LAMA2: variants seen among roughly 807,000 people sequenced by gnomAD.
The protein encoded by LAMA2 is laminin subunit alpha-2.
A neutral mutation model predicts 364.8 loss-of-function variants in LAMA2; 269 were observed. The observed-to-expected ratio is 0.74, with a 90% CI of 0.67 to 0.82. The LOEUF is 0.82. Among genes scored for constraint, LAMA2 ranks in the 40% least tolerant of loss-of-function variants. The probability of loss-of-function intolerance (pLI) is 0.00; values close to 1 mark genes in which losing one functional copy is unlikely to be tolerated. For missense variants in LAMA2, 3,807 were observed against 3,873.2 expected (o/e 0.98, Z 0.45); for synonymous variants, 1,379 against 1,370.6 (o/e 1.01, Z -0.14).
intron 31 of LAMA2, among the ~76,000 whole-genome samples, chr6:129,352,138 A>G (rs933471720): frequency 3.3e-5 from 5 of 152,218 alleles, no homozygotes; most frequent in East Asian, 1.9e-4. Context: ...TTGTTGTCCA[A>G]TCTGGGACAC....
At chr6:129,322,341 G>A (rs1409628728) in intron 28 of LAMA2, among the ~76,000 whole-genome samples, 2 of 152,212 alleles carry the variant, frequency 1.3e-5, no homozygotes, top group African/African-American at 2.4e-5. Context: ...TACACATAGT[G>A]TATGGGTGAA....
intron 11 of LAMA2, among the ~76,000 whole-genome samples, chr6:129,191,348 A>G (rs1781512125): frequency 6.6e-6 from 1 of 152,246 alleles, no homozygotes; most frequent in South Asian, 2.1e-4. Context: ...CAAGCCTCAT[A>G]TTATGAAATA....
intron 2 of LAMA2, among the ~76,000 whole-genome samples, chr6:129,057,128 T>C (rs986611821): frequency 6.6e-6 from 1 of 152,198 alleles, no homozygotes; most frequent in Non-Finnish European, 1.5e-5. Flanking sequence ...TTTATTTTTA[T>C]TGTTTTTTCA....
intron 1 of LAMA2, among the ~76,000 whole-genome samples, chr6:129,025,983 A>T (rs1049318973): frequency 3.3e-5 from 5 of 152,196 alleles, no homozygotes; most frequent in African/African-American, 1.2e-4. Context: ...AGGTTTCACG[A>T]ATCAGGTATG....
chr6:128,906,989 A>G (rs202203606), intron 1 of LAMA2, among the ~76,000 whole-genome samples: 3,245 of 105,316 alleles, frequency 0.031, no homozygotes, highest in East Asian at 0.055. Flanking sequence ...TGTTCCATTG[A>G]TCTATATCTC....
intron 1 of LAMA2, among the ~76,000 whole-genome samples, chr6:128,911,758 C>T (rs1197081456): frequency 6.6e-6 from 1 of 151,174 alleles, no homozygotes; most frequent in Non-Finnish European, 1.5e-5. Context: ...ACCGTCAGCC[C>T]AACAACAACA....
Position 129,157,846 on chromosome 6 carries a change from T to C in LAMA2, c.1206+3163T>C, listed in dbSNP as rs376104128. On this transcript the variant is annotated intron_variant, in intron 8 of 64. Transcript: ENST00000421865. ...CCGAAGCTGTAGATATCAGCCATGA[T>C]GTAGGGCTGGAAGTGGTTTTTGTTC... The C allele has an allele frequency of 6.9e-4, 1,116 of 1,614,004 alleles. 1 individual carries two copies. In the South Asian group the frequency reaches 0.012, roughly 17 times the overall value.
intron 3 of LAMA2, among the ~76,000 whole-genome samples, chr6:129,077,843 TTAAAAC>T (rs1360102312): frequency 6.6e-6 from 1 of 152,146 alleles, no homozygotes; most frequent in African/African-American, 2.4e-5. Context: ...CTCACTTTCT[TTAAAAC>T]TAAATCAGGA....
intron 1 of LAMA2, among the ~76,000 whole-genome samples, chr6:129,046,355 GC>G: frequency 6.6e-6 from 1 of 152,164 alleles, no homozygotes; most frequent in East Asian, 1.9e-4. Context: ...GTTCCACATG[GC>G]TGGGGAGGTC....
chr6:129,478,842 C>A, intron 54 of LAMA2, 29 bp downstream of exon 54: 1 of 1,594,608 alleles, frequency 6.3e-7, no homozygotes, highest in South Asian at 1.1e-5. Context: ...GTTCTCTAAA[C>A]ACATTTATAT....
At chr6:129,273,802 A>G (rs925998442) in intron 17 of LAMA2, among the ~76,000 whole-genome samples, 2 of 152,238 alleles carry the variant, frequency 1.3e-5, no homozygotes, top group South Asian at 2.1e-4. Context: ...AAAAATGCAT[A>G]TAACACAGTG....
chr6:129,089,396 CA>C (rs368495847), intron 3 of LAMA2, among the ~76,000 whole-genome samples: 3,622 of 152,210 alleles, frequency 0.024, 156 homozygotes, highest in African/African-American at 0.081. Context: ...TACAGAAGCA[CA>C]AAAAACAAAG....
At chr6:129,103,062 A>T (rs1399398919) in intron 4 of LAMA2, among the ~76,000 whole-genome samples, 3 of 152,230 alleles carry the variant, frequency 2.0e-5, no homozygotes, top group Non-Finnish European at 4.4e-5. Context: ...GTGTCTGGAC[A>T]GGAAAATGCT....
chr6:129,070,629 C>T (rs910031067), intron 3 of LAMA2, among the ~76,000 whole-genome samples: 5 of 152,198 alleles, frequency 3.3e-5, no homozygotes, highest in African/African-American at 7.2e-5. Flanking sequence ...TACTAGTATG[C>T]TCTTTCCTTA....
At chr6:129,351,606 T>C (rs1583555333) in intron 31 of LAMA2, among the ~76,000 whole-genome samples, 1 of 152,184 alleles carries the variant, frequency 6.6e-6, no homozygotes, top group East Asian at 1.9e-4. Context: ...TCTTAAATCA[T>C]TTAAATCATC....
intron 18 of LAMA2, among the ~76,000 whole-genome samples, chr6:129,287,588 T>C (rs1256479240): frequency 2.0e-5 from 3 of 152,198 alleles, no homozygotes; most frequent in Non-Finnish European, 4.4e-5. Context: ...TATTATGCTT[T>C]GGTCTCATTT....
At chr6:129,202,187 C>CAAAA (rs776190977) in intron 12 of LAMA2, among the ~76,000 whole-genome samples, 146 of 62,052 alleles carry the variant, frequency 2.4e-3, no homozygotes, top group African/African-American at 4.3e-3. Flanking sequence ...GAGTCTGTCT[C>CAAAA]AAAAAAAAAA....
chr6:129,089,050 G>A (rs9402103), intron 3 of LAMA2, among the ~76,000 whole-genome samples: 74,020 of 152,158 alleles, frequency 0.49, 20,868 homozygotes, highest in East Asian at 0.82. Flanking sequence ...ACGAGACTCC[G>A]TCTGCAATCT....
At chr6:129,344,649 G>T (rs534969839) in intron 30 of LAMA2, among the ~76,000 whole-genome samples, 1 of 152,264 alleles carries the variant, frequency 6.6e-6, no homozygotes, top group African/African-American at 2.4e-5. Flanking sequence ...TCCAAGGCGA[G>T]TATATAGAAA....
Sources: allele counts gnomAD v4.1 joint callset (sites outside exome capture counted in the v4.1 genomes callset), GRCh38; gene constraint gnomAD v4.1.1; transcripts MANE v1.5; gene names NCBI Gene and HGNC (gene_info 2026-07-23, HGNC 2026-07-21).